Variants in USP8 observed in about 807,000 individuals in gnomAD.
USP8 encodes ubiquitin specific peptidase 8.
A neutral mutation model predicts 130.0 loss-of-function variants in USP8; 27 were observed. The ratio of observed to expected loss-of-function variants is 0.21; its 90% CI spans 0.15 to 0.29. USP8 has a LOEUF of 0.29. Among genes scored for constraint, USP8 ranks in the 10% least tolerant of loss-of-function variants. The pLI, the probability that USP8 is intolerant of heterozygous loss-of-function variation, is 1.00. For synonymous variants in USP8, 392 were observed against 444.1 expected (o/e 0.88, Z 1.48); for missense variants, 1,029 against 1,312.2 (o/e 0.78, Z 3.33).
chr15:50,495,189 GAT>G (rs147090227), intron 16 of USP8, among the ~76,000 whole-genome samples: 84 of 146,700 alleles, frequency 5.7e-4, no homozygotes, highest in Middle Eastern at 3.6e-3. Context: ...CCACTGAACA[GAT>G]ATATATATAT....
chr15:50,454,121 C>T (rs1163635463), intron 4 of USP8, among the ~76,000 whole-genome samples: 3 of 152,134 alleles, frequency 2.0e-5, no homozygotes, highest in Non-Finnish European at 4.4e-5. Flanking sequence ...GCCTTGGCCT[C>T]CCAAAGTGCT....
intron 1 of USP8, among the ~76,000 whole-genome samples, chr15:50,425,856 C>G (rs2049695747): frequency 6.6e-6 from 1 of 152,140 alleles, no homozygotes; most frequent in African/African-American, 2.4e-5. Flanking sequence ...GGCGCAGTGG[C>G]TCACATCTGT....
chr15:50,494,211 A>G lies in USP8; in HGVS notation c.2589A>G (p.Gly863=). 6.2e-7 allele frequency: 1 copy of G among 1,613,890 alleles called. No homozygotes were observed. The highest frequency in any genetic ancestry group is 8.5e-7 in the Non-Finnish European group (1 of 1,179,974). Residue 863 remains glycine, a synonymous_variant, in exon 16 of 20, where the codon GGA becomes GGG. Coordinates refer to ENST00000307179, the MANE Select transcript of USP8 (RefSeq NM_005154.5). ...GGAAGATCAATGACCAGTTTGCAGG[A>G]TACAGTCAGCAAGATTCACAAGAAT... ...TIGKINDQFA[G]YSQQDSQELL...
chr15:50,495,042 T>C (rs1595989087), intron 16 of USP8, among the ~76,000 whole-genome samples: 1 of 150,764 alleles, frequency 6.6e-6, no homozygotes, highest in South Asian at 2.1e-4. Context: ...AAAAAATTAC[T>C]CCATGTAACC....
At chr15:50,475,408 T>C (rs1244840247) in intron 8 of USP8, among the ~76,000 whole-genome samples, 8 of 152,080 alleles carry the variant, frequency 5.3e-5, no homozygotes, top group Non-Finnish European at 1.2e-4. Flanking sequence ...TTGTAAAAAT[T>C]ATAAAGATGT....
chr15:50,453,463 T>C (rs1002245997), intron 4 of USP8, among the ~76,000 whole-genome samples: 1 of 152,252 alleles, frequency 6.6e-6, no homozygotes, highest in Non-Finnish European at 1.5e-5. Flanking sequence ...TTATATCTTA[T>C]TGATTTCTAA....
intron 17 of USP8, 30 bp downstream of exon 17, chr15:50,496,114 T>C: frequency 6.6e-7 from 1 of 1,524,478 alleles, no homozygotes; most frequent in Non-Finnish European, 9.0e-7. Flanking sequence ...AGAAAATGAT[T>C]TATTGGATAA....
chr15:50,427,515 T>C, intron 1 of USP8, among the ~76,000 whole-genome samples: 1 of 152,072 alleles, frequency 6.6e-6, no homozygotes, highest in South Asian at 2.1e-4. Context: ...TGATGAAATA[T>C]TATATTAAAC....
chr15:50,472,231 A>T (rs1021684343), intron 8 of USP8, among the ~76,000 whole-genome samples: 3 of 151,916 alleles, frequency 2.0e-5, no homozygotes, highest in Admixed American at 1.3e-4. Context: ...ATTTTTTATA[A>T]ATTCAGGTTT....
chr15:50,496,547 C>T (rs2052418780), intron 17 of USP8, among the ~76,000 whole-genome samples: 2 of 149,982 alleles, frequency 1.3e-5, no homozygotes, highest in Non-Finnish European at 3.0e-5. Context: ...ATAATTAGGC[C>T]TATGTAGATT....
At chr15:50,432,005 C>T (rs958009224) in intron 1 of USP8, among the ~76,000 whole-genome samples, 1 of 152,168 alleles carries the variant, frequency 6.6e-6, no homozygotes, top group Non-Finnish European at 1.5e-5. Flanking sequence ...GTCCTCAAGG[C>T]CAGGTTCTCT....
intron 1 of USP8, among the ~76,000 whole-genome samples, chr15:50,428,556 G>A (rs62016942): frequency 0.14 from 20,797 of 152,118 alleles, 1,951 homozygotes; most frequent in Middle Eastern, 0.28. Context: ...ACATTTTTAT[G>A]ATAAAGTTTA....
Position 50,492,876 on chromosome 15 carries a change from T to C in USP8, c.2410T>C (p.Tyr804His). 1 of 1,614,178 alleles carries C rather than the reference T, an allele frequency of 6.2e-7. No homozygotes were observed. Among genetic ancestry groups the C allele is most frequent in the Admixed American group, 1.7e-5 (1 of 60,020 alleles). ...CLCNAPHLAD[Y>H]FNRNCYQDDI... is the part of the protein sequence containing the mutation. ...ATGTAACGCTCCACATTTGGCTGAT[T>C]ATTTCAACCGAAACTGTTATCAGGA... Residue 804 changes from tyrosine (Y) to histidine (H), a missense_variant, in exon 15 of 20, where the codon TAT (tyrosine) becomes CAT (histidine). By Grantham distance (83) the Tyr-to-His change is moderately conservative. This residue lies in a region of USP8 where 257 missense variants were observed against 429.8 expected (regional missense o/e 0.60). Coordinates refer to ENST00000307179, the MANE Select transcript of USP8 (RefSeq NM_005154.5).
At chr15:50,493,288 T>A in intron 15 of USP8, 1 of 514,882 alleles carries the variant, frequency 1.9e-6, no homozygotes, top group Non-Finnish European at 3.9e-6. Context: ...TTGGAATATT[T>A]GACGTGAATC....
chr15:50,450,462 C>CT (rs35800074), intron 4 of USP8, among the ~76,000 whole-genome samples: 7,964 of 80,202 alleles, frequency 0.099, 231 homozygotes, highest in Middle Eastern at 0.17. Flanking sequence ...GTTAGTCATT[C>CT]TTTTTTTTTT....
At chr15:50,467,145 TATTA>T (rs1286792562) in intron 7 of USP8, 11 of 286,096 alleles carry the variant, frequency 3.8e-5, no homozygotes, top group Middle Eastern at 1.2e-3. Flanking sequence ...AAAATATATA[TATTA>T]GAGTACTCAG....
intron 1 of USP8, among the ~76,000 whole-genome samples, chr15:50,426,579 A>G (rs927861406): frequency 1.3e-5 from 2 of 152,210 alleles, no homozygotes; most frequent in Admixed American, 1.3e-4. Context: ...ATTCACGTGA[A>G]GGCGTTTGAT....
chr15:50,481,876 A>G lies in USP8; in HGVS notation c.1614A>G (p.Lys538=). 6.4e-7 allele frequency: 1 copy of G among 1,556,492 alleles called. No homozygotes were observed. Among genetic ancestry groups the G allele is most frequent in the Non-Finnish European group, 8.6e-7 (1 of 1,157,298 alleles). The change falls in exon 11 of 20, where the codon AAA becomes AAG. Residue 538 remains lysine, a synonymous_variant. Transcript: ENST00000307179. ...GTGAACAGGCCAAGAAAGAAGATAA[A>G]GAAACCTCAGCAAAGAGGGGCAAAG... ...KESEQAKKED[K]ETSAKRGKEI...
chr15:50,437,155 C>T (rs2050116065), intron 1 of USP8, among the ~76,000 whole-genome samples: 1 of 151,954 alleles, frequency 6.6e-6, no homozygotes, highest in South Asian at 2.1e-4. Context: ...TCTTTCCTTC[C>T]TTAAAACTTT....
Sources: allele counts gnomAD v4.1 joint callset (sites outside exome capture counted in the v4.1 genomes callset), GRCh38; gene constraint gnomAD v4.1.1; regional missense constraint gnomAD v4.1.1; transcripts MANE v1.5; gene names NCBI Gene and HGNC (gene_info 2026-07-23, HGNC 2026-07-21).